The following HS6ST3 variants were observed in gnomAD, a reference collection of about 807,000 sequenced individuals.
HS6ST3 encodes the protein heparan-sulfate 6-O-sulfotransferase 3.
Under a neutral mutation model 36.7 loss-of-function variants are expected in HS6ST3, and 12 were observed. The ratio of observed to expected loss-of-function variants is 0.33; its 90% CI spans 0.21 to 0.53. The LOEUF (loss-of-function observed/expected upper bound fraction) is 0.53. Ranked by LOEUF, HS6ST3 falls within the 20% of genes least tolerant of loss-of-function variation. The pLI is 0.95. For missense variants in HS6ST3, 584 were observed against 640.9 expected (o/e 0.91, Z 0.96); for synonymous variants, 240 against 257.5 (o/e 0.93, Z 0.65).
chr13:96,588,918 G>T (rs1028137516), intron 1 of HS6ST3, among the ~76,000 whole-genome samples: 2 of 151,948 alleles, frequency 1.3e-5, no homozygotes, highest in Non-Finnish European at 2.9e-5. Context: ...ATGCATGGTG[G>T]CACATGCCTG....
chr13:96,553,140 A>C (rs1390525081), intron 1 of HS6ST3, among the ~76,000 whole-genome samples: 1 of 152,144 alleles, frequency 6.6e-6, no homozygotes, highest in Non-Finnish European at 1.5e-5. Context: ...GTAATTCCCC[A>C]CATGCACAGT....
Position 96,689,606 on chromosome 13 carries a change from C to CTTTTTTTTT in HS6ST3, c.708-142876_708-142868dup, listed in dbSNP as rs34000071. On this transcript the variant is annotated intron_variant, in intron 1 of 1. Transcript: ENST00000376705. The stretch of plus-strand genomic sequence containing the variant: ...TTTGTAGTTTTTGCTTTCTTTCTTT[C>CTTTTTTTTT]TTTTTTTTTTTTTTTTGGTGATTGT... Among the ~76,000 whole-genome samples, 469 of 100,740 alleles carry CTTTTTTTTT rather than the reference C, an allele frequency of 4.7e-3. 2 individuals carry two copies. The highest frequency in any genetic ancestry group is 5.1e-3 in the African/African-American group (129 of 25,514). The allele number at this position is 100,740 out of a possible 152,430, so 66.1% of individuals were successfully genotyped here.
intron 1 of HS6ST3, among the ~76,000 whole-genome samples, chr13:96,732,398 C>T (rs1268358463): frequency 6.6e-6 from 1 of 151,966 alleles, no homozygotes; most frequent in East Asian, 1.9e-4. Flanking sequence ...ATGTGAATAT[C>T]TAGTTTCCTT....
intron 1 of HS6ST3, among the ~76,000 whole-genome samples, chr13:96,672,644 G>A (rs910081886): frequency 2.0e-5 from 3 of 152,014 alleles, no homozygotes; most frequent in Admixed American, 6.6e-5. Context: ...TTTTGATGGG[G>A]GCACATACTC....
At chr13:96,812,767 A>G (rs1381817958) in intron 1 of HS6ST3, among the ~76,000 whole-genome samples, 3 of 150,040 alleles carry the variant, frequency 2.0e-5, no homozygotes, top group Non-Finnish European at 4.5e-5. Context: ...TTATTTTTGT[A>G]TTTAAAAATC....
intron 1 of HS6ST3, among the ~76,000 whole-genome samples, chr13:96,557,669 A>G (rs1411230592): frequency 6.6e-6 from 1 of 152,202 alleles, no homozygotes; most frequent in African/African-American, 2.4e-5. Flanking sequence ...GCATGGGGCT[A>G]GGTATGTCCA....
intron 1 of HS6ST3, among the ~76,000 whole-genome samples, chr13:96,559,623 G>T (rs542536104): frequency 6.6e-6 from 1 of 152,188 alleles, no homozygotes; most frequent in South Asian, 2.1e-4. Context: ...TTAAGCAAGC[G>T]GACTTCAGGC....
chr13:96,436,872 A>C (rs1044049959), intron 1 of HS6ST3, among the ~76,000 whole-genome samples: 3 of 152,182 alleles, frequency 2.0e-5, no homozygotes, highest in Non-Finnish European at 2.9e-5. Context: ...AGCCCTAGCA[A>C]ACTAATATAA....
intron 1 of HS6ST3, among the ~76,000 whole-genome samples, chr13:96,664,842 A>G (rs1023660162): frequency 3.3e-5 from 5 of 151,922 alleles, no homozygotes; most frequent in Non-Finnish European, 7.4e-5. Flanking sequence ...AAATTTGTCT[A>G]TTTCTTCTTT....
At chr13:96,607,807 C>T (rs912213956) in intron 1 of HS6ST3, among the ~76,000 whole-genome samples, 2 of 152,060 alleles carry the variant, frequency 1.3e-5, no homozygotes, top group Non-Finnish European at 2.9e-5. Context: ...AAGTAGATAG[C>T]GGTGTGCTAG....
At chr13:96,133,843 GTTTT>G (rs71113979) in intron 1 of HS6ST3, among the ~76,000 whole-genome samples, 2 of 142,170 alleles carry the variant, frequency 1.4e-5, no homozygotes, top group Non-Finnish European at 1.5e-5. Flanking sequence ...GAGCTTTTAT[GTTTT>G]TTTTTTTTTT....
At chr13:96,343,867 C>T (rs1019200621) in intron 1 of HS6ST3, among the ~76,000 whole-genome samples, 2 of 152,042 alleles carry the variant, frequency 1.3e-5, no homozygotes, top group African/African-American at 2.4e-5. Context: ...CTCAGTCTCC[C>T]GAGGAGCTGG....
At chr13:96,587,247 A>T (rs1420083899) in intron 1 of HS6ST3, among the ~76,000 whole-genome samples, 1 of 149,298 alleles carries the variant, frequency 6.7e-6, no homozygotes, top group East Asian at 2.0e-4. Flanking sequence ...TTATTTATTT[A>T]TTTTTTTTGC....
chr13:96,832,479 A>G lies in HS6ST3; in HGVS notation c.708-11A>G. 1 of 1,532,400 alleles carries G rather than the reference A, an allele frequency of 6.5e-7. No homozygotes were observed. The highest frequency in any genetic ancestry group is 8.8e-7 in the Non-Finnish European group (1 of 1,140,458). 94.9% of individuals were successfully genotyped at this position (1,532,400 alleles called of 1,614,324 possible). A position where few individuals can be genotyped will look rare whatever the true frequency, so the allele number is the denominator to read the frequency against. ...GTCAACTACTGATGCTCTTCCTCTA[A>G]TTTCTTCTAGGAATTTCTATTACAT... On this transcript the variant is annotated splice_polypyrimidine_tract_variant and intron_variant, in intron 1 of 1. Transcript: ENST00000376705.
chr13:96,126,184 A>C (rs2053950195), intron 1 of HS6ST3, among the ~76,000 whole-genome samples: 1 of 152,090 alleles, frequency 6.6e-6, no homozygotes, highest in Non-Finnish European at 1.5e-5. Context: ...CCTTTTCCAC[A>C]TCTGCTAGTC....
intron 1 of HS6ST3, among the ~76,000 whole-genome samples, chr13:96,285,385 G>A (rs1275934248): frequency 6.6e-6 from 1 of 152,100 alleles, no homozygotes; most frequent in East Asian, 1.9e-4. Context: ...CTAAATTCAC[G>A]ATACTAAGTT....
chr13:96,243,388 G>A (rs1186678206), intron 1 of HS6ST3, among the ~76,000 whole-genome samples: 1 of 152,142 alleles, frequency 6.6e-6, no homozygotes, highest in Non-Finnish European at 1.5e-5. Flanking sequence ...ATACTCTTAA[G>A]GTATTCAGAG....
intron 1 of HS6ST3, among the ~76,000 whole-genome samples, chr13:96,763,374 C>T (rs185777633): frequency 1.6e-4 from 24 of 150,222 alleles, no homozygotes; most frequent in African/African-American, 5.6e-4. Flanking sequence ...ACCTCTAATC[C>T]CAGCTACTCA....
chr13:96,511,209 G>A (rs2056048602), intron 1 of HS6ST3, among the ~76,000 whole-genome samples: 1 of 152,122 alleles, frequency 6.6e-6, no homozygotes, highest in South Asian at 2.1e-4. Context: ...CACTGACCAT[G>A]CTGAGATGGA....
Sources: allele counts gnomAD v4.1 joint callset (sites outside exome capture counted in the v4.1 genomes callset), GRCh38; gene constraint gnomAD v4.1.1; transcripts MANE v1.5; gene names NCBI Gene and HGNC (gene_info 2026-07-23, HGNC 2026-07-21).